Variants in CASD1 observed in about 807,000 individuals in gnomAD.
The protein encoded by CASD1 is N-acetylneuraminate (7)9-O-acetyltransferase.
Under a neutral mutation model 100.0 loss-of-function variants are expected in CASD1, and 41 were observed. The observed-to-expected ratio is 0.41, with a 90% confidence interval of 0.32 to 0.53. CASD1 has a LOEUF of 0.53. Among genes scored for constraint, CASD1 ranks in the 20% least tolerant of loss-of-function variants. The pLI, the probability that CASD1 is intolerant of heterozygous loss-of-function variation, is 0.25. For missense variants in CASD1, 774 were observed against 948.7 expected, an observed-to-expected ratio of 0.82 and a Z score of 2.42; for synonymous variants, 321 against 315.6, an observed-to-expected ratio of 1.02 and a Z score of -0.18.
chr7:94,577,370 GC>G, the CASD1 span, among the ~76,000 whole-genome samples: 1 of 152,114 alleles, frequency 6.6e-6, no homozygotes, highest in African/African-American at 2.4e-5. Flanking sequence ...GTCATGTGTA[GC>G]CACTGAAGTC....
At chr7:94,580,198 A>T in the CASD1 span, among the ~76,000 whole-genome samples, 1 of 152,210 alleles carries the variant, frequency 6.6e-6, no homozygotes, top group East Asian at 1.9e-4. Flanking sequence ...ATGTATAAAA[A>T]GGTCAAATAT....
intron 1 of CASD1, among the ~76,000 whole-genome samples, chr7:94,513,575 A>C (rs759763934): frequency 6.6e-6 from 1 of 152,186 alleles, no homozygotes; most frequent in Admixed American, 6.5e-5. Flanking sequence ...GCCTGGTTCA[A>C]ATGTCACACC....
rs202131787 is a variant in CASD1 at position 94,538,960 on chromosome 7, T to C, written c.1267-7T>C. 22 of 1,539,488 alleles carry C rather than the reference T, an allele frequency of 1.4e-5. No homozygotes were observed. The highest frequency in any genetic ancestry group is 1.9e-5 in the Non-Finnish European group (21 of 1,121,204). On this transcript the variant is annotated splice_region_variant and splice_polypyrimidine_tract_variant and intron_variant, in intron 9 of 17. Coordinates refer to ENST00000297273, the MANE Select transcript of CASD1 (RefSeq NM_022900.5). Reference sequence around the variant, plus strand: ...ATTTTAAAACAGATTTTGGTTCCTTTACACAGACTAAAGTATTAAATAGAG... The same window carrying C: ...ATTTTAAAACAGATTTTGGTTCCTTCACACAGACTAAAGTATTAAATAGAG...
At chr7:94,583,514 C>T in the CASD1 span, among the ~76,000 whole-genome samples, 2 of 152,096 alleles carry the variant, frequency 1.3e-5, no homozygotes, top group Admixed American at 1.3e-4. Flanking sequence ...GAACCTGGAA[C>T]CTGGGAAATC....
chr7:94,630,469 C>T, the CASD1 span, among the ~76,000 whole-genome samples: 3 of 151,748 alleles, frequency 2.0e-5, no homozygotes, highest in South Asian at 6.2e-4. Flanking sequence ...ATAATTCAAA[C>T]AATATAATCT....
intron 1 of CASD1, among the ~76,000 whole-genome samples, chr7:94,514,118 T>C (rs910763745): frequency 2.0e-5 from 3 of 152,170 alleles, no homozygotes; most frequent in Non-Finnish European, 4.4e-5. Context: ...TTTGTTGAAA[T>C]CAAATTCTTT....
At chr7:94,598,531 A>G in the CASD1 span, 8 of 470,692 alleles carry the variant, frequency 1.7e-5, no homozygotes, top group South Asian at 2.6e-5. Context: ...ATCAGTGTCA[A>G]TTTCTTAAAT....
chr7:94,521,737 A>G (rs1021780571), intron 3 of CASD1, among the ~76,000 whole-genome samples: 1 of 152,196 alleles, frequency 6.6e-6, no homozygotes, highest in African/African-American at 2.4e-5. Context: ...GTTTTTGCAT[A>G]TATTATCCAT....
the CASD1 span, chr7:94,619,127 T>C: frequency 3.2e-6 from 2 of 616,906 alleles, no homozygotes; most frequent in Non-Finnish European, 5.8e-6. Context: ...TCTAAAAACA[T>C]AACTGACATT....
the CASD1 span, among the ~76,000 whole-genome samples, chr7:94,611,458 C>T: frequency 7.7e-6 from 1 of 129,382 alleles, no homozygotes; most frequent in African/African-American, 2.9e-5. Context: ...ATAGAGACAG[C>T]AAGTTCCTTA....
the CASD1 span, among the ~76,000 whole-genome samples, chr7:94,615,269 G>C: frequency 1.3e-5 from 2 of 152,134 alleles, no homozygotes; most frequent in Non-Finnish European, 2.9e-5. Flanking sequence ...TGAGGCAGGA[G>C]AATCGCTTGA....
At chr7:94,562,170 G>A in the CASD1 span, among the ~76,000 whole-genome samples, 1 of 152,092 alleles carries the variant, frequency 6.6e-6, no homozygotes, top group Non-Finnish European at 1.5e-5. Context: ...GGCTTTTTAT[G>A]TTTGCCGATA....
At chr7:94,557,313 G>A (rs534951584), downstream of CASD1, among the ~76,000 whole-genome samples, 4 of 152,202 alleles carry the variant, frequency 2.6e-5, no homozygotes, top group African/African-American at 9.6e-5. Context: ...GGACAGAGAT[G>A]TGTGTTCTTT....
chr7:94,564,995 C>T, the CASD1 span, among the ~76,000 whole-genome samples: 1 of 152,054 alleles, frequency 6.6e-6, no homozygotes, highest in Non-Finnish European at 1.5e-5. Flanking sequence ...TATTGGGCTA[C>T]AGCTCTCAGC....
chr7:94,512,018 G>T (rs1793737825), intron 1 of CASD1, among the ~76,000 whole-genome samples: 1 of 152,188 alleles, frequency 6.6e-6, no homozygotes, highest in Non-Finnish European at 1.5e-5. Flanking sequence ...TGAATGTCAA[G>T]AATTTGAGCT....
chr7:94,590,315 C>CA, the CASD1 span, among the ~76,000 whole-genome samples: 2 of 152,260 alleles, frequency 1.3e-5, no homozygotes, highest in East Asian at 3.9e-4. Context: ...TATGCATCCT[C>CA]ACTCTCTAAG....
At chr7:94,596,763 C>T in the CASD1 span, among the ~76,000 whole-genome samples, 2 of 152,068 alleles carry the variant, frequency 1.3e-5, no homozygotes, top group Non-Finnish European at 2.9e-5. Flanking sequence ...TGGTTAGCTA[C>T]AGGATTTGTT....
Position 94,555,892 on chromosome 7 carries a change from T to C in CASD1, c.*134T>C, listed in dbSNP as rs1796182887. 4.8e-6 allele frequency: 4 copies of C among 833,774 alleles called. No individual in the cohort carries two copies. Among genetic ancestry groups the C allele is most frequent in the East Asian group, 2.6e-5 (1 of 39,106 alleles). The allele number at this position is 833,774 out of a possible 1,614,324, so 51.6% of individuals were successfully genotyped here. ...GTGGCAAGAGGACAGTTCTGTGACA[T>C]CTGTTGAACATATGTGGTTGTATAT... On this transcript the variant is annotated 3_prime_UTR_variant, in exon 18 of 18. Transcript: ENST00000297273.
chr7:94,583,018 C>A, the CASD1 span, among the ~76,000 whole-genome samples: 1 of 152,156 alleles, frequency 6.6e-6, no homozygotes, highest in Non-Finnish European at 1.5e-5. Context: ...TTTTATTCAT[C>A]CTTAATTGGT....
Sources: gnomAD v4.1 joint callset for allele counts (sites outside exome capture counted in the v4.1 genomes callset) on GRCh38, gnomAD v4.1.1 for gene constraint, MANE v1.5 for transcripts, NCBI Gene and HGNC (gene_info 2026-07-23, HGNC 2026-07-21) for gene names.